The following XKR4 variants were observed in gnomAD, a reference collection of about 807,000 sequenced individuals.
The protein encoded by XKR4 is XK-related protein 4.
Under a neutral mutation model 53.9 loss-of-function variants are expected in XKR4, and 12 were observed. The ratio of observed to expected loss-of-function variants is 0.22; its 90% CI spans 0.14 to 0.36. The LOEUF is 0.36. Ranked by LOEUF, XKR4 falls within the 10% of genes least tolerant of loss-of-function variation. XKR4 has a pLI of 1.00. For synonymous variants in XKR4, 354 were observed against 362.4 expected (o/e 0.98, Z 0.26); for missense variants, 799 against 859.5 (o/e 0.93, Z 0.88).
intron 1 of XKR4, among the ~76,000 whole-genome samples, chr8:55,197,137 G>T (rs753621714): frequency 5.9e-5 from 9 of 152,196 alleles, no homozygotes; most frequent in Non-Finnish European, 1.2e-4. Flanking sequence ...GAGGGGCTAT[G>T]ATAATGCCAC....
intron 1 of XKR4, among the ~76,000 whole-genome samples, chr8:55,308,662 T>C (rs1341112725): frequency 1.3e-5 from 2 of 152,114 alleles, no homozygotes; most frequent in South Asian, 2.1e-4. Flanking sequence ...AGTATTTATA[T>C]CAGAAAAATG....
chr8:55,416,320 C>A lies in XKR4; in HGVS notation c.1006+58443C>A, dbSNP rs73591638. ...TATTTCGGTGATGTTATAGAAGAAA[C>A]GTCTGGATTAGCATAGAAAGTTTCA... On this transcript the variant is annotated intron_variant, in intron 2 of 2. Transcript: ENST00000327381. 1.6e-3 allele frequency among the ~76,000 whole-genome samples: 245 copies of A among 152,258 alleles called. 1 individual carries two copies. Among genetic ancestry groups the A allele is most frequent in the African/African-American group, 5.5e-3 (228 of 41,528 alleles).
At chr8:55,372,101 G>T (rs917881527) in intron 2 of XKR4, among the ~76,000 whole-genome samples, 2 of 152,218 alleles carry the variant, frequency 1.3e-5, no homozygotes, top group African/African-American at 4.8e-5. Context: ...TTAGTCACGT[G>T]CTATGGCTAT....
At chr8:55,425,105 T>G (rs1034922764) in intron 2 of XKR4, among the ~76,000 whole-genome samples, 4 of 152,120 alleles carry the variant, frequency 2.6e-5, no homozygotes, top group African/African-American at 9.7e-5. Flanking sequence ...CAAGCCCTAT[T>G]GTCTTAACTC....
At chr8:55,336,199 G>A (rs1803458973) in intron 1 of XKR4, among the ~76,000 whole-genome samples, 1 of 152,076 alleles carries the variant, frequency 6.6e-6, no homozygotes, top group Admixed American at 6.6e-5. Flanking sequence ...AATTATGGGG[G>A]CGGGTCTTTT....
intron 1 of XKR4, among the ~76,000 whole-genome samples, chr8:55,129,409 G>A (rs1233294136): frequency 6.6e-6 from 1 of 152,228 alleles, no homozygotes; most frequent in East Asian, 1.9e-4. Flanking sequence ...TCCTGATGAG[G>A]AGAGGTGGGG....
In XKR4 at chr8:55,524,151, C is replaced by T; in HGVS notation, c.1877C>T (p.Ser626Phe). Residue 626 changes from serine to phenylalanine, a missense_variant, in exon 3 of 3, where the codon TCC becomes TTC. By Grantham distance (155) the Ser-to-Phe change is radical (BLOSUM62 -2). Coordinates refer to ENST00000327381, the MANE Select transcript of XKR4 (RefSeq NM_052898.2). ...LRKAILAFEC[S>F]PSPPRLQYKD... ...AAGGCTATTTTAGCTTTTGAATGTT[C>T]CCCATCTCCTCCAAGGCTGCAGTAC... 6.2e-7 allele frequency: 1 copy of T among 1,614,182 alleles called. No homozygotes were observed. The highest frequency in any genetic ancestry group is 8.5e-7 in the Non-Finnish European group (1 of 1,180,020).
chr8:55,365,047 G>C (rs1803956378), intron 2 of XKR4, among the ~76,000 whole-genome samples: 1 of 152,252 alleles, frequency 6.6e-6, no homozygotes, highest in African/African-American at 2.4e-5. Context: ...GTGAAAGAGA[G>C]TTGTTTCTAT....
chr8:55,268,438 T>C (rs1818642057), intron 1 of XKR4, among the ~76,000 whole-genome samples: 1 of 152,160 alleles, frequency 6.6e-6, no homozygotes. Context: ...AGCTTGCAAC[T>C]GATGTTGATA....
chr8:55,252,558 T>C (rs1305039805), intron 1 of XKR4, among the ~76,000 whole-genome samples: 1 of 151,916 alleles, frequency 6.6e-6, no homozygotes, highest in African/African-American at 2.4e-5. Context: ...AAATTAGGAG[T>C]TGGTGCAAAT....
chr8:55,304,712 T>C (rs971432043), intron 1 of XKR4, among the ~76,000 whole-genome samples: 7 of 152,204 alleles, frequency 4.6e-5, no homozygotes, highest in South Asian at 2.1e-4. Flanking sequence ...TTAGGATAGA[T>C]AGCTCTTCTT....
intron 2 of XKR4, among the ~76,000 whole-genome samples, chr8:55,503,819 A>AT (rs1563368289): frequency 6.6e-6 from 1 of 152,112 alleles, no homozygotes; most frequent in African/African-American, 2.4e-5. Flanking sequence ...ACCATCAAGT[A>AT]TTTTTTTAGC....
chr8:55,148,396 C>A (rs556579071), intron 1 of XKR4, among the ~76,000 whole-genome samples: 2 of 151,822 alleles, frequency 1.3e-5, no homozygotes, highest in East Asian at 3.9e-4. Flanking sequence ...CAGAGGAAGA[C>A]CCTGTCTAAA....
intron 2 of XKR4, among the ~76,000 whole-genome samples, chr8:55,445,476 G>A (rs1214112195): frequency 6.6e-6 from 1 of 152,078 alleles, no homozygotes; most frequent in Non-Finnish European, 1.5e-5. Flanking sequence ...GAATATGTCT[G>A]CCCCATTAAT....
intron 2 of XKR4, among the ~76,000 whole-genome samples, chr8:55,473,567 G>A (rs1805923903): frequency 6.6e-6 from 1 of 152,230 alleles, no homozygotes; most frequent in South Asian, 2.1e-4. Flanking sequence ...CAGAAAGGCA[G>A]ACACTGTCAA....
Position 55,102,866 on chromosome 8 carries a change from G to A in XKR4, c.378G>A (p.Val126=), listed in dbSNP as rs745644917. The A allele has an allele frequency of 6.2e-7, 1 of 1,611,938 alleles. No individual in the cohort carries two copies. The highest frequency in any genetic ancestry group is 1.7e-5 in the Admixed American group (1 of 60,012). ...CCGTGGCCGTGTACTTCGCGGACGT[G>A]GGCACAGACGTCTGGCTCGCCGTGG... ...LAAVAVYFAD[V]GTDVWLAVDY... The change falls in exon 1 of 3, where the codon GTG becomes GTA. Residue 126 remains valine, a synonymous_variant. Coordinates refer to ENST00000327381, the MANE Select transcript of XKR4 (RefSeq NM_052898.2). The surrounding 1 kb of genome is among the most constrained non-coding windows in gnomAD (Gnocchi z 5.1).
chr8:55,485,675 A>C (rs1806180429), intron 2 of XKR4, among the ~76,000 whole-genome samples: 1 of 152,158 alleles, frequency 6.6e-6, no homozygotes, highest in Admixed American at 6.5e-5. Flanking sequence ...CTGGGATTAC[A>C]GGCGTGAACC....
chr8:55,126,350 T>C (rs1816468586), intron 1 of XKR4, among the ~76,000 whole-genome samples: 2 of 152,248 alleles, frequency 1.3e-5, no homozygotes, highest in African/African-American at 4.8e-5. Context: ...CAGCAGGTCA[T>C]AGCTCCAGTA....
At chr8:55,451,796 C>A (rs1805452036) in intron 2 of XKR4, 8 of 1,014,600 alleles carry the variant, frequency 7.9e-6, no homozygotes, top group Non-Finnish European at 9.2e-6. Flanking sequence ...CACTGATAGT[C>A]GCGGCAGCAA....
Sources: gnomAD v4.1 joint callset for allele counts (sites outside exome capture counted in the v4.1 genomes callset) on GRCh38, gnomAD v4.1.1 for gene constraint, Gnocchi (gnomAD v3.1) non-coding constraint, MANE v1.5 for transcripts, NCBI Gene and HGNC (gene_info 2026-07-23, HGNC 2026-07-21) for gene names.